The following ERICH1 variants were observed in gnomAD, a reference collection of about 807,000 sequenced individuals.
The protein encoded by ERICH1 is glutamate-rich protein 1.
Under a neutral mutation model 39.6 loss-of-function variants are expected in ERICH1, and 56 were observed. The observed-to-expected ratio is 1.41, with a 90% CI of 1.14 to 1.77. ERICH1 has a LOEUF of 1.77. Among genes scored for constraint, ERICH1 ranks in the 40% most tolerant of loss-of-function variants. The pLI, the probability that ERICH1 is intolerant of heterozygous loss-of-function variation, is 0.00. For missense variants in ERICH1, 826 were observed against 575.4 expected, an observed-to-expected ratio of 1.44 and a Z score of -4.45; for synonymous variants, 313 against 223.6, an observed-to-expected ratio of 1.40 and a Z score of -3.57.
intron 3 of ERICH1, among the ~76,000 whole-genome samples, chr8:691,362 T>A (rs28678432): frequency 6.6e-6 from 1 of 152,000 alleles, no homozygotes; most frequent in South Asian, 2.1e-4. Context: ...ACAGCCTGTC[T>A]GGGAAGCAGT....
At chr8:619,800 C>T (rs1797166179) in intron 3 of ERICH1, among the ~76,000 whole-genome samples, 1 of 151,978 alleles carries the variant, frequency 6.6e-6, no homozygotes, top group Non-Finnish European at 1.5e-5. Context: ...GAACTCATTC[C>T]ACAGGAGTAT....
At chr8:731,032 G>A in intron 1 of ERICH1, 108 bp downstream of exon 1, 1 of 1,284,064 alleles carries the variant, frequency 7.8e-7, no homozygotes, top group Non-Finnish European at 1.0e-6. Flanking sequence ...TCTGGGTTTG[G>A]GGTGGGGCCT....
At chr8:705,561 CT>C (rs1394428804) in intron 2 of ERICH1, among the ~76,000 whole-genome samples, 1 of 152,140 alleles carries the variant, frequency 6.6e-6, no homozygotes, top group East Asian at 1.9e-4. Flanking sequence ...AAACCCACAG[CT>C]AACATCATAC....
intron 1 of ERICH1, among the ~76,000 whole-genome samples, chr8:721,555 C>G (rs923946161): frequency 6.6e-6 from 1 of 152,216 alleles, no homozygotes; most frequent in Non-Finnish European, 1.5e-5. Context: ...TTTATTTACA[C>G]AGAAATAATC....
At chr8:617,089 A>G (rs1796969374) in intron 3 of ERICH1, among the ~76,000 whole-genome samples, 1 of 152,100 alleles carries the variant, frequency 6.6e-6, no homozygotes, top group Non-Finnish European at 1.5e-5. Flanking sequence ...CCCACCCATG[A>G]CTGTATGACA....
chr8:688,759 G>T (rs1230421263), intron 3 of ERICH1, among the ~76,000 whole-genome samples: 1 of 152,180 alleles, frequency 6.6e-6, no homozygotes, highest in East Asian at 1.9e-4. Context: ...TAAAAACAAT[G>T]AAAAGCTGAA....
chr8:626,900 C>T, intron 3 of ERICH1: 1 of 316,850 alleles, frequency 3.2e-6, no homozygotes, highest in Non-Finnish European at 6.5e-6. Flanking sequence ...CCTGTTCATT[C>T]TTGCCTAGAG....
At chr8:717,995 T>C (rs1475412611) in intron 1 of ERICH1, among the ~76,000 whole-genome samples, 1 of 152,094 alleles carries the variant, frequency 6.6e-6, no homozygotes, top group Non-Finnish European at 1.5e-5. Context: ...CCAAAGAAAA[T>C]GGCAGAACAC....
chr8:675,129 GGCGAGGACAGAGACGCGGCGGCCCC>G (rs1389707070), intron 3 of ERICH1, among the ~76,000 whole-genome samples: 23 of 138,728 alleles, frequency 1.7e-4, no homozygotes, highest in African/African-American at 6.0e-4. Context: ...GCGGCCCCTC[GGCGAGGACAGAGACGCGGCGGCCCC>G]TCGTGAGGAC....
intron 2 of ERICH1, among the ~76,000 whole-genome samples, chr8:707,137 T>C (rs116227117): frequency 0.014 from 2,115 of 151,230 alleles, 52 homozygotes; most frequent in African/African-American, 0.049. Flanking sequence ...GGGATGGACA[T>C]ACATCAATGG....
At chr8:647,273 A>G (rs1337308615) in intron 3 of ERICH1, among the ~76,000 whole-genome samples, 1 of 68,070 alleles carries the variant, frequency 1.5e-5, no homozygotes, top group African/African-American at 3.8e-5. Context: ...AACTGTTACA[A>G]CGGTGGCACT....
chr8:637,351 G>A (rs751452280), intron 3 of ERICH1, among the ~76,000 whole-genome samples: 15 of 152,194 alleles, frequency 9.9e-5, no homozygotes, highest in Non-Finnish European at 1.9e-4. Flanking sequence ...CTGATTCTGC[G>A]GCTCCTGGGC....
intron 2 of ERICH1, among the ~76,000 whole-genome samples, chr8:699,783 A>AGG (rs1811320209): frequency 2.0e-5 from 2 of 99,116 alleles, no homozygotes; most frequent in Non-Finnish European, 2.2e-5. Context: ...AGACCCGCAC[A>AGG]CGCGCACAGA....
At chr8:633,123 G>A (rs937454404) in intron 3 of ERICH1, among the ~76,000 whole-genome samples, 12 of 151,030 alleles carry the variant, frequency 7.9e-5, no homozygotes, top group East Asian at 3.9e-4. Context: ...TGGAGCCACC[G>A]TGGTGCTGCC....
At chr8:707,639 T>C (rs1357879889) in intron 2 of ERICH1, among the ~76,000 whole-genome samples, 2 of 151,968 alleles carry the variant, frequency 1.3e-5, no homozygotes, top group Non-Finnish European at 2.9e-5. Context: ...ATACACAACA[T>C]CAGCTGAAAA....
intron 3 of ERICH1, among the ~76,000 whole-genome samples, chr8:629,396 C>T (rs998493921): frequency 7.7e-5 from 11 of 143,100 alleles, no homozygotes; most frequent in Non-Finnish European, 1.4e-4. Flanking sequence ...TGACCACCCA[C>T]ACACACAGAG....
Position 692,447 on chromosome 8 carries a change from T to C in ERICH1, c.304+31A>G, listed in dbSNP as rs369983024. 6 of 1,613,884 alleles carry C rather than the reference T, an allele frequency of 3.7e-6. No homozygotes were observed. The African/African-American group carries it at 4.0e-5, about 11-fold the overall frequency. On this transcript the variant is annotated intron_variant, in intron 3 of 5. Coordinates refer to ENST00000262109, the MANE Select transcript of ERICH1 (RefSeq NM_207332.3). Reference sequence around the variant, plus strand: ...GGAAATACGAGCTTATCTGCAAAGATGTCTACCTTTCCTCCCACCCAGCAT... The same window carrying C: ...GGAAATACGAGCTTATCTGCAAAGACGTCTACCTTTCCTCCCACCCAGCAT...
chr8:678,993 G>C lies in ERICH1; in HGVS notation c.305-4946C>G, dbSNP rs146184573. 3.7e-3 allele frequency among the ~76,000 whole-genome samples: 560 copies of C among 150,160 alleles called. 1 individual carries two copies. Among genetic ancestry groups the C allele is most frequent in the South Asian group, 0.018 (85 of 4,668 alleles). The stretch of plus-strand genomic sequence containing the variant: ...TTCAGCTCCGACCCCTCACAGCTTT[G>C]ATCCCTCACAGCTCCTACTCACAGC... On this transcript the variant is annotated intron_variant, in intron 3 of 5. Transcript: ENST00000262109.
intron 1 of ERICH1, among the ~76,000 whole-genome samples, chr8:727,998 C>G (rs892378770): frequency 6.6e-6 from 1 of 152,200 alleles, no homozygotes; most frequent in African/African-American, 2.4e-5. Context: ...GCCGGACAGC[C>G]TGGCACTCCT....
Sources: gnomAD v4.1 joint callset for allele counts (sites outside exome capture counted in the v4.1 genomes callset) on GRCh38, gnomAD v4.1.1 for gene constraint, MANE v1.5 for transcripts, NCBI Gene and HGNC (gene_info 2026-07-23, HGNC 2026-07-21) for gene names.